Variants in PGBD2 observed in about 807,000 individuals in gnomAD.
PGBD2 encodes piggyBac transposable element derived 2.
PGBD2 carries 6 observed loss-of-function variants against 8.1 expected under a neutral mutation model. The observed-to-expected ratio is 0.74, with a 90% CI of 0.40 to 1.46. The LOEUF (loss-of-function observed/expected upper bound fraction) is 1.46. Ranked by LOEUF, PGBD2 falls within the 40% of genes most tolerant of loss-of-function variation. The probability of loss-of-function intolerance (pLI) is 0.02; values close to 1 mark genes in which losing one functional copy is unlikely to be tolerated. For synonymous variants in PGBD2, 318 were observed against 272.2 expected (o/e 1.17, Z -1.66); for missense variants, 802 against 739.0 (o/e 1.09, Z -0.99).
chr1:248,886,392 A>T, the PGBD2 span, among the ~76,000 whole-genome samples: 2 of 152,174 alleles, frequency 1.3e-5, no homozygotes, highest in African/African-American at 4.8e-5. Flanking sequence ...AGAAGTGAGG[A>T]TGACTGTTGA....
chr1:248,877,930 G>T, the PGBD2 span, among the ~76,000 whole-genome samples: 1 of 152,182 alleles, frequency 6.6e-6, no homozygotes, highest in African/African-American at 2.4e-5. Context: ...TAATTTTATG[G>T]AGAATATTAA....
chr1:248,922,646 A>G (rs1662310800), downstream of PGBD2, among the ~76,000 whole-genome samples: 1 of 152,156 alleles, frequency 6.6e-6, no homozygotes, highest in Non-Finnish European at 1.5e-5. Flanking sequence ...TACCTAGTTT[A>G]TTGAGAGTTT....
rs867324387 is a variant in PGBD2 at position 248,906,717 on chromosome 1, C to A, written c.-48+375C>A. ...CGGCCTGAGGCTGGCGGCGGGACTG[C>A]GAATGCCACGTCACATCCTGGGGCG... On this transcript the variant is annotated intron_variant, in intron 1 of 2. Transcript: ENST00000329291. 2.7e-3 allele frequency among the ~76,000 whole-genome samples: 396 copies of A among 147,704 alleles called. 5 individuals carry two copies. The highest frequency in any genetic ancestry group is 9.6e-3 in the African/African-American group (378 of 39,206).
At chr1:248,913,193 G>A (rs1160840373) in intron 1 of PGBD2, among the ~76,000 whole-genome samples, 1 of 151,978 alleles carries the variant, frequency 6.6e-6, no homozygotes, top group East Asian at 1.9e-4. Flanking sequence ...CCTCACTCCA[G>A]TTTCCCTCCC....
chr1:248,913,233 CTAG>C (rs759488515), intron 1 of PGBD2, among the ~76,000 whole-genome samples: 9 of 152,094 alleles, frequency 5.9e-5, no homozygotes, highest in Non-Finnish European at 1.0e-4. Flanking sequence ...CTGTGAAGAG[CTAG>C]TGTGTAGCCT....
At chr1:248,928,816 C>G in the PGBD2 span, among the ~76,000 whole-genome samples, 3 of 152,342 alleles carry the variant, frequency 2.0e-5, no homozygotes, top group Admixed American at 1.3e-4. Context: ...AACCCAGTGA[C>G]TTTTCGCACC....
chr1:248,929,099 AGTATTT>A, the PGBD2 span, among the ~76,000 whole-genome samples: 1 of 152,164 alleles, frequency 6.6e-6, no homozygotes, highest in East Asian at 1.9e-4. Context: ...TTGTAATCTT[AGTATTT>A]GTATTAATAT....
At chr1:248,925,305 C>T in the PGBD2 span, among the ~76,000 whole-genome samples, 11 of 152,302 alleles carry the variant, frequency 7.2e-5, no homozygotes, top group Admixed American at 1.3e-4. Flanking sequence ...GCTGTGACCC[C>T]GCACTGTATG....
At chr1:248,930,117 T>C in the PGBD2 span, among the ~76,000 whole-genome samples, 1 of 152,234 alleles carries the variant, frequency 6.6e-6, no homozygotes, top group Non-Finnish European at 1.5e-5. Context: ...CTACAGGTCT[T>C]GTTTTATAAA....
intron 1 of PGBD2, among the ~76,000 whole-genome samples, chr1:248,912,046 A>C (rs1344925569): frequency 2.0e-5 from 3 of 152,176 alleles, no homozygotes; most frequent in Non-Finnish European, 4.4e-5. Context: ...TCAGCTGTCC[A>C]GGTGGCTTGC....
intron 1 of PGBD2, among the ~76,000 whole-genome samples, chr1:248,907,130 C>T (rs1010515617): frequency 5.9e-5 from 9 of 152,112 alleles, no homozygotes; most frequent in Non-Finnish European, 8.8e-5. Flanking sequence ...AAGAGGAATG[C>T]GGTAGGAGAG....
chr1:248,880,383 A>G, the PGBD2 span, among the ~76,000 whole-genome samples: 2 of 152,214 alleles, frequency 1.3e-5, no homozygotes, highest in Admixed American at 6.5e-5. Flanking sequence ...TTAGGGCTTC[A>G]TGTGTAAGCC....
At chr1:248,921,784 ATTTG>A (rs1662291955), downstream of PGBD2, among the ~76,000 whole-genome samples, 1 of 152,110 alleles carries the variant, frequency 6.6e-6, no homozygotes, top group South Asian at 2.1e-4. Context: ...ATGTTTTTCC[ATTTG>A]TTTGTGTCCT....
At chr1:248,922,832 T>C (rs1296896100), downstream of PGBD2, among the ~76,000 whole-genome samples, 1 of 152,204 alleles carries the variant, frequency 6.6e-6, no homozygotes, top group African/African-American at 2.4e-5. Flanking sequence ...GGATAAACTT[T>C]CTGATGTGCT....
chr1:248,911,374 C>T (rs937023259), intron 1 of PGBD2, among the ~76,000 whole-genome samples: 3 of 150,794 alleles, frequency 2.0e-5, no homozygotes, highest in Admixed American at 2.0e-4. Context: ...CTTGCACCGC[C>T]CTTAATCCAT....
chr1:248,917,557 G>A lies in PGBD2; in HGVS notation c.973G>A (p.Asp325Asn), dbSNP rs368057614. The A allele has an allele frequency of 6.2e-7, 1 of 1,614,106 alleles. No homozygotes were observed. The highest frequency in any genetic ancestry group is 1.7e-5 in the Admixed American group (1 of 60,014). ...GTTTACCAAGCCAGACAGGAGCTTG[G>A]ATCTAGGAGGCAGTATGGTAATAAA... is the stretch of plus-strand genomic sequence containing the variant. Reference protein sequence around the residue: ...TLFTKPDRSLDLGGSMVIKFV... With the variant: ...TLFTKPDRSLNLGGSMVIKFV... The change falls in exon 3 of 3, where the codon GAT (aspartate) becomes AAT (asparagine). Residue 325 changes from aspartate (D) to asparagine (N), a missense_variant. Physicochemically the swap from Asp to Asn is conservative, Grantham distance 23 (BLOSUM62 1). Transcript: ENST00000329291.
chr1:248,885,962 A>AGG, the PGBD2 span, among the ~76,000 whole-genome samples: 1 of 152,314 alleles, frequency 6.6e-6, no homozygotes, highest in African/African-American at 2.4e-5. Flanking sequence ...TACAAAGTGA[A>AGG]CTTTCCTACC....
At chr1:248,887,490 C>T in the PGBD2 span, among the ~76,000 whole-genome samples, 5 of 152,090 alleles carry the variant, frequency 3.3e-5, no homozygotes, top group East Asian at 3.9e-4. Context: ...TTATATTGTA[C>T]GCTTCCCAGA....
chr1:248,911,011 T>C (rs1334674934), intron 1 of PGBD2, among the ~76,000 whole-genome samples: 1 of 152,088 alleles, frequency 6.6e-6, no homozygotes, highest in African/African-American at 2.4e-5. Flanking sequence ...CCTGCCCCTT[T>C]GTAATCTTTC....
Sources: allele counts gnomAD v4.1 joint callset (sites outside exome capture counted in the v4.1 genomes callset), GRCh38; gene constraint gnomAD v4.1.1; transcripts MANE v1.5; gene names NCBI Gene and HGNC (gene_info 2026-07-23, HGNC 2026-07-21).